DPP6: variants seen among roughly 807,000 people sequenced by gnomAD.
DPP6 encodes A-type potassium channel modulatory protein DPP6.
DPP6 carries 69 observed loss-of-function variants against 122.6 expected under a neutral mutation model. The ratio of observed to expected loss-of-function variants is 0.56; its 90% confidence interval spans 0.46 to 0.69. The LOEUF (loss-of-function observed/expected upper bound fraction) is 0.69. Ranked by LOEUF, DPP6 falls within the 30% of genes least tolerant of loss-of-function variation. The pLI is 0.00. For missense variants in DPP6, 928 were observed against 1,116.9 expected, an observed-to-expected ratio of 0.83 and a Z score of 2.41; for synonymous variants, 418 against 433.1, an observed-to-expected ratio of 0.97 and a Z score of 0.43.
the DPP6 span, among the ~76,000 whole-genome samples, chr7:153,814,375 C>A: frequency 3.8e-5 from 4 of 104,398 alleles, no homozygotes; most frequent in South Asian, 3.3e-4. Context: ...ATAAATTCCT[C>A]AACACATACA....
intron 6 of DPP6, among the ~76,000 whole-genome samples, chr7:154,638,171 C>T (rs891899659): frequency 6.6e-6 from 1 of 152,140 alleles, no homozygotes. Flanking sequence ...CCGGACATTC[C>T]CCTCTGCTTT....
At chr7:154,029,312 C>T (rs1258703924) in intron 1 of DPP6, among the ~76,000 whole-genome samples, 3 of 149,536 alleles carry the variant, frequency 2.0e-5, no homozygotes, top group Admixed American at 6.7e-5. Flanking sequence ...GTCAGGAGAT[C>T]GAGACCATCC....
At chr7:154,389,307 T>C (rs959056440) in intron 1 of DPP6, among the ~76,000 whole-genome samples, 1 of 152,202 alleles carries the variant, frequency 6.6e-6, no homozygotes, top group African/African-American at 2.4e-5. Context: ...GTTTAATGGA[T>C]GGTGCTGCCT....
At chr7:154,871,064 T>C (rs1804345662) in intron 18 of DPP6, among the ~76,000 whole-genome samples, 1 of 151,062 alleles carries the variant, frequency 6.6e-6, no homozygotes, top group Middle Eastern at 3.2e-3. Flanking sequence ...AGCTCGAGGC[T>C]CCTCCGCAGC....
intron 6 of DPP6, among the ~76,000 whole-genome samples, chr7:154,654,487 C>T (rs1837113710): frequency 1.4e-5 from 2 of 141,516 alleles, no homozygotes; most frequent in South Asian, 2.4e-4. Flanking sequence ...GACGTGATCT[C>T]GGCTCACTGC....
At chr7:154,356,489 G>A (rs1586038209) in intron 1 of DPP6, among the ~76,000 whole-genome samples, 1 of 152,080 alleles carries the variant, frequency 6.6e-6, no homozygotes, top group East Asian at 1.9e-4. Flanking sequence ...GATGGCTTGA[G>A]GCCAGGAGTT....
At chr7:154,047,240 G>A (rs1800065033) in intron 1 of DPP6, among the ~76,000 whole-genome samples, 2 of 143,226 alleles carry the variant, frequency 1.4e-5, no homozygotes, top group Admixed American at 1.3e-4. Flanking sequence ...ACAGACACAA[G>A]CTTTCTCTTC....
chr7:154,057,257 A>G (rs1239419225), intron 1 of DPP6, among the ~76,000 whole-genome samples: 2 of 151,488 alleles, frequency 1.3e-5, no homozygotes, highest in Non-Finnish European at 2.9e-5. Flanking sequence ...AAACCTGAAC[A>G]TAAAGGCCTC....
At chr7:154,441,665 C>T (rs1819383673) in intron 1 of DPP6, among the ~76,000 whole-genome samples, 1 of 152,142 alleles carries the variant, frequency 6.6e-6, no homozygotes, top group African/African-American at 2.4e-5. Context: ...CATAACCTGA[C>T]AGAGAGGCGT....
At chr7:154,063,291 C>T (rs1802326128) in intron 1 of DPP6, among the ~76,000 whole-genome samples, 1 of 127,768 alleles carries the variant, frequency 7.8e-6, no homozygotes, top group Admixed American at 8.0e-5. Context: ...GGGGGAGGGA[C>T]CCCCCATGAG....
At position 154,486,778 on chromosome 7, in the gene DPP6, CA is replaced by C. The variant is rs1331401012; in HGVS notation, c.457+11742del. On this transcript the variant is annotated intron_variant, in intron 3 of 25. Transcript: ENST00000377770. The surrounding 1 kb of genome is among the most constrained non-coding windows in gnomAD (Gnocchi z 4.5). ...GAGAGAGGTGTGTCTTGGGGCAGGG[CA>C]GCCGATTTCTTCCACACCACGCTGG... 2.0e-5 allele frequency among the ~76,000 whole-genome samples: 3 copies of C among 152,170 alleles called. No homozygotes were observed. Among genetic ancestry groups the C allele is most frequent in the Non-Finnish European group, 4.4e-5 (3 of 68,028 alleles).
At chr7:153,927,750 A>G (rs1012845695) in intron 1 of DPP6, among the ~76,000 whole-genome samples, 1 of 152,182 alleles carries the variant, frequency 6.6e-6, no homozygotes, top group African/African-American at 2.4e-5. Flanking sequence ...CAGGGCTGCT[A>G]TTAAAATGCC....
At chr7:154,127,933 C>T (rs6953427) in intron 1 of DPP6, among the ~76,000 whole-genome samples, 63,707 of 147,400 alleles carry the variant, frequency 0.43, 14,338 homozygotes, top group Non-Finnish European at 0.51. Flanking sequence ...AAGCTGAAAT[C>T]TTTGTTCCTA....
chr7:154,188,923 A>T (rs1429047278), intron 1 of DPP6, among the ~76,000 whole-genome samples: 2 of 152,244 alleles, frequency 1.3e-5, no homozygotes, highest in Non-Finnish European at 2.9e-5. Flanking sequence ...CAGCTTGTGT[A>T]TTAGAATTAT....
At chr7:153,926,805 TA>T (rs3060877) in intron 1 of DPP6, among the ~76,000 whole-genome samples, 57,380 of 107,560 alleles carry the variant, frequency 0.53, 11,968 homozygotes, top group East Asian at 0.7. Context: ...TACAGATTTG[TA>T]AAAAAAAGAA....
intron 8 of DPP6, 85 bp downstream of exon 8, chr7:154,727,972 T>A: frequency 6.7e-7 from 1 of 1,501,784 alleles, no homozygotes; most frequent in Non-Finnish European, 8.9e-7. Context: ...CATTTTTCTT[T>A]GACTTTAACT....
chr7:154,402,277 T>C (rs2151188444), intron 1 of DPP6, among the ~76,000 whole-genome samples: 1 of 152,210 alleles, frequency 6.6e-6, no homozygotes, highest in African/African-American at 2.4e-5. Context: ...TAAATCATGC[T>C]GCTATAAAGA....
intron 1 of DPP6, among the ~76,000 whole-genome samples, chr7:153,976,520 T>A (rs1796312314): frequency 6.6e-6 from 1 of 152,228 alleles, no homozygotes; most frequent in Non-Finnish European, 1.5e-5. Context: ...CTCGTACGTT[T>A]AAACACTGAT....
At chr7:153,886,354 C>G (rs566440897), upstream of DPP6, among the ~76,000 whole-genome samples, 1 of 152,306 alleles carries the variant, frequency 6.6e-6, no homozygotes, top group Non-Finnish European at 1.5e-5. Flanking sequence ...AGGTCGCGGT[C>G]ACTGGTCAAC....
Sources: allele counts gnomAD v4.1 joint callset (sites outside exome capture counted in the v4.1 genomes callset), GRCh38; gene constraint gnomAD v4.1.1; non-coding constraint Gnocchi (gnomAD v3.1); transcripts MANE v1.5; gene names NCBI Gene and HGNC (gene_info 2026-07-23, HGNC 2026-07-21).